The following CCDC125 variants were observed in gnomAD, a reference collection of about 807,000 sequenced individuals.
CCDC125 encodes coiled-coil domain-containing protein 125.
In CCDC125, 43 loss-of-function variants were observed where a neutral mutation model predicts 57.4. The ratio of observed to expected loss-of-function variants is 0.75; its 90% CI spans 0.59 to 0.97. The LOEUF is 0.97. CCDC125 is among the 50% of genes least tolerant of loss of function. CCDC125 has a pLI of 0.00. For missense variants in CCDC125, 563 were observed against 595.7 expected, an observed-to-expected ratio of 0.95 and a Z score of 0.57; for synonymous variants, 187 against 195.2, an observed-to-expected ratio of 0.96 and a Z score of 0.35.
chr5:69,313,608 G>T, intron 3 of CCDC125: 1 of 731,660 alleles, frequency 1.4e-6, no homozygotes, highest in Non-Finnish European at 2.5e-6. Flanking sequence ...GGTCTCATAG[G>T]TTGCGTCATA....
chr5:69,289,435 G>T lies in CCDC125; in HGVS notation c.1099+2753C>A, dbSNP rs556372555. 6.4e-4 allele frequency among the ~76,000 whole-genome samples: 97 copies of T among 152,236 alleles called. 1 individual carries two copies. Among genetic ancestry groups the T allele is most frequent in the African/African-American group, 2.3e-3 (95 of 41,526 alleles). On this transcript the variant is annotated intron_variant, in intron 10 of 11. Coordinates refer to ENST00000396496, the MANE Select transcript of CCDC125 (RefSeq NM_176816.5). The stretch of plus-strand genomic sequence containing the variant: ...CTGGTTCCTAAAAGGCTAAATACAT[G>T]GACCATGTTAGCTTTTTCCCTGGCA...
intron 11 of CCDC125, 136 bp from the exon 12 acceptor site, chr5:69,283,170 A>C: frequency 1.6e-6 from 1 of 635,596 alleles, no homozygotes; most frequent in Non-Finnish European, 2.6e-6. Flanking sequence ...GTATGAATAA[A>C]TTAGGTATCA....
intron 10 of CCDC125, among the ~76,000 whole-genome samples, chr5:69,287,875 A>G (rs1753773699): frequency 1.3e-5 from 2 of 151,542 alleles, no homozygotes; most frequent in Admixed American, 6.6e-5. Flanking sequence ...TGCCTATATC[A>G]ATTATTTAAA....
At chr5:69,290,247 AAAC>A (rs1236008536) in intron 10 of CCDC125, among the ~76,000 whole-genome samples, 1 of 151,838 alleles carries the variant, frequency 6.6e-6, no homozygotes, top group Non-Finnish European at 1.5e-5. Context: ...TAAATATTTC[AAAC>A]AAAATGGCTA....
intron 1 of CCDC125, 79 bp from the exon 2 acceptor site, chr5:69,320,659 T>C (rs542344587): frequency 1.5e-6 from 1 of 654,552 alleles, no homozygotes; most frequent in Non-Finnish European, 2.7e-6. Context: ...CCCAAAACAT[T>C]TGAAATCAGT....
At chr5:69,305,215 G>T (rs115673257) in intron 6 of CCDC125, among the ~76,000 whole-genome samples, 153 of 151,284 alleles carry the variant, frequency 1.0e-3, no homozygotes, top group African/African-American at 3.5e-3. Context: ...AGTCTTTCTG[G>T]TTTTTTTTTC....
chr5:69,317,564 T>C (rs951031515), intron 2 of CCDC125, among the ~76,000 whole-genome samples: 3 of 152,176 alleles, frequency 2.0e-5, no homozygotes, highest in Non-Finnish European at 2.9e-5. Context: ...TGTTCAACTT[T>C]GAGGGGAAGT....
At chr5:69,307,708 G>T (rs1757554273) in intron 5 of CCDC125, 3 of 461,854 alleles carry the variant, frequency 6.5e-6, no homozygotes, top group African/African-American at 2.0e-5. Flanking sequence ...AAGAAGAAAT[G>T]AGAAGTACCA....
intron 1 of CCDC125, among the ~76,000 whole-genome samples, chr5:69,324,740 T>C (rs958600898): frequency 2.0e-4 from 30 of 152,224 alleles, no homozygotes; most frequent in African/African-American, 7.2e-4. Flanking sequence ...AGGCCGGATG[T>C]GGTGGCTCCC....
At chr5:69,327,346 G>A (rs1398999062) in intron 1 of CCDC125, among the ~76,000 whole-genome samples, 2 of 151,852 alleles carry the variant, frequency 1.3e-5, no homozygotes, top group African/African-American at 4.8e-5. Flanking sequence ...TGCCTGCCTC[G>A]GTCTCCCAAA....
intron 10 of CCDC125, 114 bp from the exon 11 acceptor site, chr5:69,285,581 A>G: frequency 9.4e-7 from 1 of 1,059,026 alleles, no homozygotes; most frequent in East Asian, 2.5e-5. Flanking sequence ...CACACAGTGG[A>G]ATGTAGTGAG....
chr5:69,292,602 T>C (rs1273371067), intron 9 of CCDC125, among the ~76,000 whole-genome samples: 1 of 152,152 alleles, frequency 6.6e-6, no homozygotes, highest in Non-Finnish European at 1.5e-5. Flanking sequence ...ACCTAACCCC[T>C]GGACCTCACT....
chr5:69,295,275 G>A (rs1266003266), intron 8 of CCDC125, among the ~76,000 whole-genome samples: 11 of 152,130 alleles, frequency 7.2e-5, no homozygotes, highest in Non-Finnish European at 1.5e-4. Context: ...GTAACAGTGT[G>A]GCCCTGATGC....
intron 10 of CCDC125, among the ~76,000 whole-genome samples, chr5:69,285,958 A>G (rs1753276731): frequency 6.6e-6 from 1 of 151,788 alleles, no homozygotes; most frequent in African/African-American, 2.4e-5. Context: ...GACTTTTCTC[A>G]GCTTGATTTC....
rs1417092382 is a variant in CCDC125, at chr5:69,281,281, AG to A, written c.*1447del. On this transcript the variant is annotated 3_prime_UTR_variant, in exon 12 of 12. Coordinates refer to ENST00000396496, the MANE Select transcript of CCDC125 (RefSeq NM_176816.5). ...GAGGCTGAGGCAGGAGGATCCCTTGAGGCCAGGAGTTTGGCACCAGCCTGAG... is the reference window on the plus strand; with the variant it reads ...GAGGCTGAGGCAGGAGGATCCCTTGAGCCAGGAGTTTGGCACCAGCCTGAG... The A allele has an allele frequency of 4.6e-5, 7 of 152,188 alleles. No individual in the cohort carries two copies. Among genetic ancestry groups the A allele is most frequent in the African/African-American group, 1.7e-4 (7 of 41,414 alleles). 9.4% of individuals were successfully genotyped at this position (152,188 alleles called of 1,614,324 possible). A position where few individuals can be genotyped will look rare whatever the true frequency, so the allele number is the denominator to read the frequency against.
At chr5:69,300,416 A>G (rs1756201545) in intron 7 of CCDC125, among the ~76,000 whole-genome samples, 1 of 152,330 alleles carries the variant, frequency 6.6e-6, no homozygotes. Flanking sequence ...CCAAAAGGGA[A>G]TATGTAAAAG....
chr5:69,290,854 T>C (rs1754338998), intron 10 of CCDC125, among the ~76,000 whole-genome samples: 2 of 151,892 alleles, frequency 1.3e-5, no homozygotes, highest in South Asian at 4.1e-4. Context: ...GGTCTCAAAC[T>C]CCTGACCTCA....
At chr5:69,286,230 ATAT>A (rs1206005050) in intron 10 of CCDC125, among the ~76,000 whole-genome samples, 1 of 68,928 alleles carries the variant, frequency 1.5e-5, no homozygotes, top group Non-Finnish European at 2.8e-5. Flanking sequence ...ATATATATAT[ATAT>A]AATTTTTTTT....
chr5:69,278,226 G>A (rs991140295), downstream of CCDC125, among the ~76,000 whole-genome samples: 3 of 130,214 alleles, frequency 2.3e-5, no homozygotes, highest in Non-Finnish European at 3.3e-5. Context: ...TTTTTTTTGA[G>A]ATGGAGTCTC....
Sources: gnomAD v4.1 joint callset for allele counts (sites outside exome capture counted in the v4.1 genomes callset) on GRCh38, gnomAD v4.1.1 for gene constraint, MANE v1.5 for transcripts, NCBI Gene and HGNC (gene_info 2026-07-23, HGNC 2026-07-21) for gene names.